Variants in CSNK1G1 observed in about 807,000 individuals in gnomAD.
The protein encoded by CSNK1G1 is casein kinase 1 gamma 1.
Under a neutral mutation model 59.6 loss-of-function variants are expected in CSNK1G1, and 22 were observed. The observed-to-expected ratio is 0.37, with a 90% CI of 0.26 to 0.53. The LOEUF is 0.53. CSNK1G1 is among the 20% of genes least tolerant of loss of function. The pLI is 0.89. For missense variants in CSNK1G1, 384 were observed against 519.5 expected (o/e 0.74, Z 2.54); for synonymous variants, 179 against 177.1 (o/e 1.01, Z -0.08).
intron 1 of CSNK1G1, among the ~76,000 whole-genome samples, chr15:64,344,337 C>T (rs1421504786): frequency 6.6e-6 from 1 of 152,182 alleles, no homozygotes; most frequent in Non-Finnish European, 1.5e-5. Flanking sequence ...TAACACTCTA[C>T]TCTAGTTTTA....
intron 1 of CSNK1G1, among the ~76,000 whole-genome samples, chr15:64,304,213 C>T (rs926603476): frequency 6.6e-6 from 1 of 151,354 alleles, no homozygotes; most frequent in Non-Finnish European, 1.5e-5. Context: ...CATGGTGATA[C>T]CCTGTCTCTA....
chr15:64,347,615 A>AGAAGGAAG (rs756845486), intron 1 of CSNK1G1, among the ~76,000 whole-genome samples: 22 of 150,660 alleles, frequency 1.5e-4, no homozygotes, highest in African/African-American at 4.9e-4. Flanking sequence ...AAACAAGGAA[A>AGAAGGAAG]GAAGGAAGGA....
Position 64,166,063 on chromosome 15 carries a change from T to C in CSNK1G1, c.*5868A>G. Reference sequence around the variant, plus strand: ...TGAGCTTTGTGACCAGTGCCAGGGTTTATGAAACATTATACATCTAAAAAA... The same window carrying C: ...TGAGCTTTGTGACCAGTGCCAGGGTCTATGAAACATTATACATCTAAAAAA... On this transcript the variant is annotated 3_prime_UTR_variant, in exon 12 of 12. Coordinates refer to ENST00000303052, the MANE Select transcript of CSNK1G1 (RefSeq NM_022048.5). This position sits in a 1 kb window ranked among gnomAD's most constrained non-coding sequence, Gnocchi z 4.5. The C allele has an allele frequency of 1.5e-6, 1 of 650,294 alleles. No individual in the cohort carries two copies. The highest frequency in any genetic ancestry group is 2.7e-6 in the Non-Finnish European group (1 of 365,068). The allele number at this position is 650,294 out of a possible 1,614,324, so 40.3% of individuals were successfully genotyped here.
rs1055293952 is a variant in CSNK1G1, at chr15:64,210,633, T to C, written c.680-3039A>G. The stretch of plus-strand genomic sequence containing the variant: ...CTGATTTTAGGTTAAATATATTTGT[T>C]GAAGGCAGGGAGCAAGGTAACCCAG... On this transcript the variant is annotated intron_variant, in intron 6 of 11. Transcript: ENST00000303052. The surrounding 1 kb of genome is among the most constrained non-coding windows in gnomAD (Gnocchi z 4.2). Among the ~76,000 whole-genome samples the C allele has an allele frequency of 3.3e-5, 5 of 152,174 alleles. No homozygotes were observed. The highest frequency in any genetic ancestry group is 7.4e-5 in the Non-Finnish European group (5 of 68,022).
In CSNK1G1 at chr15:64,301,174, G is replaced by C. The variant is rs59987806; in HGVS notation, c.-224-451C>G. ...CTATCCAAGCATTTACCAAGCACTA[G>C]CAAGAATTATGTAATCTTCAGTTAC... On this transcript the variant is annotated intron_variant, in intron 1 of 11. Transcript: ENST00000303052. 1.9e-3 allele frequency among the ~76,000 whole-genome samples: 296 copies of C among 152,212 alleles called. 9 individuals carry two copies. In the East Asian group the frequency reaches 0.043, roughly 22 times the overall value.
At chr15:64,350,143 T>C (rs1394546324) in intron 1 of CSNK1G1, among the ~76,000 whole-genome samples, 1 of 152,118 alleles carries the variant, frequency 6.6e-6, no homozygotes, top group Admixed American at 6.5e-5. Flanking sequence ...AAATATCTTT[T>C]TATCAATTTT....
At chr15:64,249,459 G>T (rs1891952686) in intron 4 of CSNK1G1, among the ~76,000 whole-genome samples, 1 of 152,154 alleles carries the variant, frequency 6.6e-6, no homozygotes, top group African/African-American at 2.4e-5. Flanking sequence ...AAGCAGAAAA[G>T]AGGCCAGTAG....
chr15:64,179,783 G>A (rs1312612557), intron 11 of CSNK1G1, among the ~76,000 whole-genome samples: 5 of 152,288 alleles, frequency 3.3e-5, no homozygotes, highest in Admixed American at 2.0e-4. Flanking sequence ...AAAAGGGTGT[G>A]GGGCAACCTC....
chr15:64,227,340 A>G (rs2082476416), intron 4 of CSNK1G1, among the ~76,000 whole-genome samples: 1 of 152,216 alleles, frequency 6.6e-6, no homozygotes, highest in Admixed American at 6.5e-5. Context: ...TTCTACATTG[A>G]CTTCTGTGTA....
chr15:64,352,324 T>C (rs1898340810), intron 1 of CSNK1G1, among the ~76,000 whole-genome samples: 4 of 150,438 alleles, frequency 2.7e-5, no homozygotes, highest in Admixed American at 2.7e-4. Context: ...AGTGAAAAGA[T>C]AAAAGAAAAC....
chr15:64,314,325 GAC>G (rs1213227581), intron 1 of CSNK1G1, among the ~76,000 whole-genome samples: 1 of 151,892 alleles, frequency 6.6e-6, no homozygotes, highest in African/African-American at 2.4e-5. Context: ...TTTATTAGAA[GAC>G]ACATTTATTT....
chr15:64,335,875 G>A (rs1389395646), intron 1 of CSNK1G1: 3 of 152,138 alleles, frequency 2.0e-5, no homozygotes, highest in Non-Finnish European at 4.4e-5. Flanking sequence ...AGAATAAGGA[G>A]AAAATAAAAT....
At chr15:64,186,032 TTTA>T (rs1210428222) in intron 10 of CSNK1G1, among the ~76,000 whole-genome samples, 1 of 152,136 alleles carries the variant, frequency 6.6e-6, no homozygotes, top group Non-Finnish European at 1.5e-5. Flanking sequence ...ATCTCCTAAC[TTTA>T]TTATTATATT....
At chr15:64,273,418 G>A (rs1566928699) in intron 2 of CSNK1G1, among the ~76,000 whole-genome samples, 2 of 152,162 alleles carry the variant, frequency 1.3e-5, no homozygotes, top group African/African-American at 2.4e-5. Flanking sequence ...ATTTCACAGA[G>A]CTTTATGAAG....
At chr15:64,207,758 C>T (rs569442308) in intron 6 of CSNK1G1, among the ~76,000 whole-genome samples, 164 bp from the exon 7 acceptor site, 1 of 152,284 alleles carries the variant, frequency 6.6e-6, no homozygotes, top group African/African-American at 2.4e-5. Context: ...AAACCCTAAA[C>T]CGATGTGTAC....
At chr15:64,273,730 TAAAA>T (rs780466407) in intron 2 of CSNK1G1, among the ~76,000 whole-genome samples, 3 of 108,964 alleles carry the variant, frequency 2.8e-5, no homozygotes, top group Non-Finnish European at 2.0e-5. Flanking sequence ...GCTGATGAGC[TAAAA>T]AAAAAAAAAA....
intron 2 of CSNK1G1, chr15:64,265,693 A>T (rs1412416318): frequency 2.7e-6 from 1 of 370,054 alleles, no homozygotes; most frequent in Non-Finnish European, 5.3e-6. Flanking sequence ...GAATAAATTC[A>T]ACCAAAGGGG....
intron 4 of CSNK1G1, among the ~76,000 whole-genome samples, chr15:64,246,913 T>C (rs1891789861): frequency 1.3e-5 from 2 of 152,138 alleles, no homozygotes; most frequent in South Asian, 4.1e-4. Context: ...CCCTCCCTTT[T>C]TCCTCCCACT....
chr15:64,322,493 A>T (rs1339301471), intron 1 of CSNK1G1, among the ~76,000 whole-genome samples: 1 of 151,702 alleles, frequency 6.6e-6, no homozygotes, highest in South Asian at 2.1e-4. Context: ...ATGAGCCGCC[A>T]TGTCTGGCCC....
Sources: allele counts gnomAD v4.1 joint callset (sites outside exome capture counted in the v4.1 genomes callset), GRCh38; gene constraint gnomAD v4.1.1; non-coding constraint Gnocchi (gnomAD v3.1); transcripts MANE v1.5; gene names NCBI Gene and HGNC (gene_info 2026-07-23, HGNC 2026-07-21).